The following ACOT4 variants were observed in gnomAD, a reference collection of about 807,000 sequenced individuals.
The protein encoded by ACOT4 is peroxisomal succinyl-coenzyme A thioesterase.
A neutral mutation model predicts 17.1 loss-of-function variants in ACOT4; 18 were observed. The ratio of observed to expected loss-of-function variants is 1.05; its 90% CI spans 0.73 to 1.56. The LOEUF (loss-of-function observed/expected upper bound fraction) is 1.56, where lower values mean the gene tolerates loss of function less well. ACOT4 is among the 40% of genes most tolerant of loss of function. ACOT4 has a pLI of 0.00. For synonymous variants in ACOT4, 234 were observed against 236.6 expected, an observed-to-expected ratio of 0.99 and a Z score of 0.10; for missense variants, 574 against 557.2, an observed-to-expected ratio of 1.03 and a Z score of -0.30.
chr14:73,595,041 T>C lies in ACOT4; in HGVS notation c.661-8T>C. The C allele has an allele frequency of 1.2e-6, 2 of 1,612,296 alleles. No individual in the cohort carries two copies. Among genetic ancestry groups the C allele is most frequent in the African/African-American group, 1.3e-5 (1 of 74,884 alleles). On this transcript the variant is annotated splice_region_variant and splice_polypyrimidine_tract_variant and intron_variant, in intron 2 of 2. Transcript: ENST00000326303. Reference sequence around the variant, plus strand: ...TTGACTCAACTCTCCTCTCTTCTTTTCTTCCAGGTAAAAGGCCCAGGCATT... The same window carrying C: ...TTGACTCAACTCTCCTCTCTTCTTTCCTTCCAGGTAAAAGGCCCAGGCATT...
At position 73,593,816 on chromosome 14, in the gene ACOT4, A is replaced by G. The variant is rs772643835; in HGVS notation, c.572A>G (p.Tyr191Cys). ...HGFATLALAY[Y>C]NFEDLPNNMD... ...TTTGCCACGTTGGCTCTAGCTTATT[A>G]TAACTTTGAAGATCTCCCCAATAAC... Residue 191 changes from tyrosine (Y) to cysteine (C), a missense_variant, in exon 2 of 3, where the codon TAT becomes TGT. Transcript: ENST00000326303. 1 of 1,614,028 alleles carries G rather than the reference A, an allele frequency of 6.2e-7. No homozygotes were observed. The highest frequency in any genetic ancestry group is 8.5e-7 in the Non-Finnish European group (1 of 1,179,936).
At position 73,592,048 on chromosome 14, in the gene ACOT4, A is replaced by G. The variant is rs1006826246; in HGVS notation, c.89A>G (p.Gln30Arg). The G allele has an allele frequency of 1.2e-5, 18 of 1,470,516 alleles. No homozygotes were observed. The highest frequency in any genetic ancestry group is 8.0e-5 in the Admixed American group (3 of 37,482). The allele number at this position is 1,470,516 out of a possible 1,614,324, so 91.1% of individuals were successfully genotyped here. A position where few individuals can be genotyped will look rare whatever the true frequency, so the allele number is the denominator to read the frequency against. Reference sequence around the variant, plus strand: ...GCCGTGCGCGGCCTGGCCCCGGAGCAGCGGGTTACGCTGCGCGCGTCCCTG... The same window carrying G: ...GCCGTGCGCGGCCTGGCCCCGGAGCGGCGGGTTACGCTGCGCGCGTCCCTG... ...RIAVRGLAPE[Q>R]RVTLRASLRD... Residue 30 changes from glutamine to arginine, a missense_variant, in exon 1 of 3, where the codon CAG becomes CGG. Coordinates refer to ENST00000326303, the MANE Select transcript of ACOT4 (RefSeq NM_152331.4).
Position 73,592,234 on chromosome 14 carries a change from G to T in ACOT4, c.275G>T (p.Arg92Leu). 1 of 1,613,182 alleles carries T rather than the reference G, an allele frequency of 6.2e-7. No homozygotes were observed. ...CTGGAACCCGAGAAGCCTTTTTGGCGCTTCCTGAAGCGGGACGTACAGATT... is the reference window on the plus strand; with the variant it reads ...CTGGAACCCGAGAAGCCTTTTTGGCTCTTCCTGAAGCGGGACGTACAGATT... ...WALEPEKPFW[R>L]FLKRDVQIPF... The change falls in exon 1 of 3, where the codon CGC becomes CTC. Residue 92 changes from arginine to leucine, a missense_variant. Arg to Leu is a moderately radical substitution (Grantham distance 102, BLOSUM62 -2). Coordinates refer to ENST00000326303, the MANE Select transcript of ACOT4 (RefSeq NM_152331.4).
Position 73,592,365 on chromosome 14 carries a change from C to A in ACOT4, c.406C>A (p.Arg136Ser), listed in dbSNP as rs749212684. 6.3e-7 allele frequency: 1 copy of A among 1,581,772 alleles called. No individual in the cohort carries two copies. The highest frequency in any genetic ancestry group is 1.1e-5 in the South Asian group (1 of 87,186). The change falls in exon 1 of 3, where the codon CGC becomes AGC. Residue 136 changes from arginine to serine, a missense_variant. By Grantham distance (110) the Arg-to-Ser change is moderately radical. Transcript: ENST00000326303. ...CCACTTCCTCCCGCCAGGGGTGCGG[C>A]GCCAGTCGGTGCGAGCGGGCCGGGT... The part of the protein sequence containing the change: ...ERHFLPPGVR[R>S]QSVRAGRVRA...
chr14:73,592,400 G>A lies in ACOT4; in HGVS notation c.441G>A (p.Thr147=), dbSNP rs1890169932. 1 of 1,534,386 alleles carries A rather than the reference G, an allele frequency of 6.5e-7. No homozygotes were observed. Among genetic ancestry groups the A allele is most frequent in the East Asian group, 2.4e-5 (1 of 40,938 alleles). ...QSVRAGRVRA[T]LFLPPGPGPF... ...TGCGAGCGGGCCGGGTGCGCGCCAC[G>A]CTCTTCCTGCCGCCAGGTGAGCCAG... Residue 147 remains threonine, a synonymous_variant, in exon 1 of 3, where the codon ACG becomes ACA. Coordinates refer to ENST00000326303, the MANE Select transcript of ACOT4 (RefSeq NM_152331.4).
rs1890212331 is a variant in ACOT4 at position 73,594,442 on chromosome 14, GCGGCT to G, written c.660+540_660+544del. 4.0e-3 allele frequency among the ~76,000 whole-genome samples: 44 copies of G among 11,008 alleles called. 1 individual carries two copies. In the Admixed American group the frequency reaches 0.053, roughly 13 times the overall value. The allele number at this position is 11,008 out of a possible 152,430, so 7.2% of individuals were successfully genotyped here. A position where few individuals can be genotyped will look rare whatever the true frequency, so the allele number is the denominator to read the frequency against. ...TGAACTTGATGGGATCTGTGGCTCA[GCGGCT>G]CAGCGGCTCAGCATTCTCTAGTGGA... On this transcript the variant is annotated intron_variant, in intron 2 of 2. Transcript: ENST00000326303.
intron 2 of ACOT4, among the ~76,000 whole-genome samples, chr14:73,594,371 G>C (rs2140350936): frequency 6.6e-6 from 1 of 152,306 alleles, no homozygotes; most frequent in East Asian, 1.9e-4. Context: ...ACTATTGGAT[G>C]CATTGCCACA....
At chr14:73,593,336 CTTTTTTTT>C (rs60704237) in intron 1 of ACOT4, among the ~76,000 whole-genome samples, 5 of 104,870 alleles carry the variant, frequency 4.8e-5, no homozygotes, top group Non-Finnish European at 9.0e-5. Context: ...TTCTTTCTTT[CTTTTTTTT>C]TTTTTTTTTT....
At chr14:73,594,673 GTTATTTATTTATTTATTTAT>G (rs5809619) in intron 2 of ACOT4, among the ~76,000 whole-genome samples, 3 of 147,132 alleles carry the variant, frequency 2.0e-5, no homozygotes, top group African/African-American at 7.5e-5. Flanking sequence ...CATTGGATAA[GTTATTTATTTATTTATTTAT>G]TTATTTATTT....
In ACOT4 at chr14:73,592,209, C is replaced by T; in HGVS notation, c.250C>T (p.Leu84=). 1 of 1,612,644 alleles carries T rather than the reference C, an allele frequency of 6.2e-7. No individual in the cohort carries two copies. ...CGAGCCCATGGGGCTGCTCTGGGCC[C>T]TGGAACCCGAGAAGCCTTTTTGGCG... ...GLEPMGLLWA[L]EPEKPFWRFL... Residue 84 remains leucine (L), a synonymous_variant, in exon 1 of 3, where the codon CTG becomes TTG. Coordinates refer to ENST00000326303, the MANE Select transcript of ACOT4 (RefSeq NM_152331.4).
At position 73,592,042 on chromosome 14, in the gene ACOT4, C is replaced by G. The variant is rs1049977831; in HGVS notation, c.83C>G (p.Pro28Arg). 11 of 1,461,478 alleles carry G rather than the reference C, an allele frequency of 7.5e-6. No individual in the cohort carries two copies. Among genetic ancestry groups the G allele is most frequent in the East Asian group, 5.8e-5 (2 of 34,334 alleles). 90.5% of individuals were successfully genotyped at this position (1,461,478 alleles called of 1,614,324 possible). A position where few individuals can be genotyped will look rare whatever the true frequency, so the allele number is the denominator to read the frequency against. ...CGCATTGCCGTGCGCGGCCTGGCCC[C>G]GGAGCAGCGGGTTACGCTGCGCGCG... is the stretch of plus-strand genomic sequence containing the variant. Reference protein sequence around the residue: ...PVRIAVRGLAPEQRVTLRASL... With the variant: ...PVRIAVRGLAREQRVTLRASL... Residue 28 changes from proline (P) to arginine (R), a missense_variant, in exon 1 of 3, where the codon CCG becomes CGG. Pro to Arg is a moderately radical substitution (Grantham distance 103). Coordinates refer to ENST00000326303, the MANE Select transcript of ACOT4 (RefSeq NM_152331.4).
intron 1 of ACOT4, 116 bp downstream of exon 1, chr14:73,592,532 A>C: frequency 8.0e-7 from 1 of 1,257,252 alleles, no homozygotes; most frequent in Non-Finnish European, 1.1e-6. Context: ...GCTAACATTG[A>C]CTATGTCAGT....
At chr14:73,594,745 A>T (rs1890216905) in intron 2 of ACOT4, among the ~76,000 whole-genome samples, 3 of 151,890 alleles carry the variant, frequency 2.0e-5, no homozygotes, top group African/African-American at 7.3e-5. Flanking sequence ...TTGTCACCCA[A>T]GCTGGAGCGC....
chr14:73,593,336 C>CTTTTT (rs60704237), intron 1 of ACOT4, among the ~76,000 whole-genome samples: 559 of 104,804 alleles, frequency 5.3e-3, no homozygotes, highest in East Asian at 8.7e-3. Flanking sequence ...TTCTTTCTTT[C>CTTTTT]TTTTTTTTTT....
chr14:73,594,994 C>T (rs539826870), intron 2 of ACOT4, 55 bp from the exon 3 acceptor site: 62 of 1,590,364 alleles, frequency 3.9e-5, no homozygotes, highest in East Asian at 4.5e-5. Flanking sequence ...CATGAGCCAC[C>T]GCACCCAATC....
At chr14:73,594,805 A>G (rs545816889) in intron 2 of ACOT4, among the ~76,000 whole-genome samples, 40 of 152,206 alleles carry the variant, frequency 2.6e-4, no homozygotes, top group African/African-American at 9.4e-4. Flanking sequence ...GGCTCAAGCA[A>G]TTCTCCTGCC....
rs1430648858 is a variant in ACOT4, at chr14:73,595,079, A to G, written c.691A>G (p.Ile231Val). ...AGGCCCAGGCATTGGGCTTTTGGGCATTTCTCTAGGAGCTGATATTTGTCT... is the reference window on the plus strand; with the variant it reads ...AGGCCCAGGCATTGGGCTTTTGGGCGTTTCTCTAGGAGCTGATATTTGTCT... ...VKGPGIGLLG[I>V]SLGADICLSM... is the part of the protein sequence containing the mutation. The change falls in exon 3 of 3, where the codon ATT becomes GTT. Residue 231 changes from isoleucine (I) to valine (V), a missense_variant. Coordinates refer to ENST00000326303, the MANE Select transcript of ACOT4 (RefSeq NM_152331.4). 1 of 1,614,010 alleles carries G rather than the reference A, an allele frequency of 6.2e-7. No individual in the cohort carries two copies.
Position 73,591,897 on chromosome 14 carries a change from G to T in ACOT4, c.-63G>T. ...CGGACGCCGTCCGGACATTCGGCGC[G>T]CTTGCCACGATCTTGGACGGGTCTC... is the stretch of plus-strand genomic sequence containing the variant. On this transcript the variant is annotated 5_prime_UTR_variant, in exon 1 of 3. Coordinates refer to ENST00000326303, the MANE Select transcript of ACOT4 (RefSeq NM_152331.4). 1 of 1,319,026 alleles carries T rather than the reference G, an allele frequency of 7.6e-7. No individual in the cohort carries two copies. 81.7% of individuals were successfully genotyped at this position (1,319,026 alleles called of 1,614,324 possible). A position where few individuals can be genotyped will look rare whatever the true frequency, so the allele number is the denominator to read the frequency against.
chr14:73,595,304 C>T lies in ACOT4; in HGVS notation c.916C>T (p.Pro306Ser). ...RNALVGGYKNPSMIPIEKAQG... is the reference protein window; with the variant it reads ...RNALVGGYKNSSMIPIEKAQG... ...TGCTCTCGTAGGAGGGTACAAGAAC[C>T]CCAGCATGATTCCAATAGAGAAGGC... Residue 306 changes from proline (P) to serine (S), a missense_variant, in exon 3 of 3, where the codon CCC (proline) becomes TCC (serine). Physicochemically the swap from Pro to Ser is moderately conservative, Grantham distance 74. Coordinates refer to ENST00000326303, the MANE Select transcript of ACOT4 (RefSeq NM_152331.4). 1 of 1,614,172 alleles carries T rather than the reference C, an allele frequency of 6.2e-7. No homozygotes were observed. Among genetic ancestry groups the T allele is most frequent in the Non-Finnish European group, 8.5e-7 (1 of 1,180,040 alleles).
Sources: gnomAD v4.1 joint callset for allele counts (sites outside exome capture counted in the v4.1 genomes callset) on GRCh38, gnomAD v4.1.1 for gene constraint, MANE v1.5 for transcripts, NCBI Gene and HGNC (gene_info 2026-07-23, HGNC 2026-07-21) for gene names.